Variants in BIRC7 observed in about 807,000 individuals in gnomAD.
BIRC7 encodes the protein baculoviral IAP repeat containing 7, also known as baculoviral IAP repeat-containing protein 7.
BIRC7 carries 26 observed loss-of-function variants against 33.2 expected under a neutral mutation model. The observed-to-expected ratio is 0.78, with a 90% CI of 0.57 to 1.09. The LOEUF is 1.09. BIRC7 is among the 50% of genes least tolerant of loss of function. The pLI, the probability that BIRC7 is intolerant of heterozygous loss-of-function variation, is 0.00. For synonymous variants in BIRC7, 176 were observed against 171.0 expected (o/e 1.03, Z -0.23); for missense variants, 409 against 401.2 (o/e 1.02, Z -0.17).
chr20:63,236,475 C>A, intron 1 of BIRC7, 30 bp downstream of exon 1: 1 of 1,504,722 alleles, frequency 6.6e-7, no homozygotes, highest in South Asian at 1.3e-5. Flanking sequence ...GCCTTCCTGC[C>A]GTGGGCCTGG....
At position 63,238,414 on chromosome 20, in the gene BIRC7, G is replaced by T; in HGVS notation, c.468G>T (p.Arg156=). Residue 156 remains arginine, a synonymous_variant, in exon 3 of 7, where the codon CGG becomes CGT. Transcript: ENST00000217169. The part of the protein sequence containing the change: ...KWFPSCQFLL[R]SKGRDFVHSV... The stretch of plus-strand genomic sequence containing the variant: ...TCTGCAGCTGTCAGTTCCTGCTCCG[G>T]TCAAAAGGAAGAGACTTTGTCCACA... The T allele has an allele frequency of 6.2e-7, 1 of 1,611,970 alleles. No individual in the cohort carries two copies. Among genetic ancestry groups the T allele is most frequent in the Non-Finnish European group, 8.5e-7 (1 of 1,179,966 alleles).
rs145995768 is a variant in BIRC7, at chr20:63,239,472, G to T, written c.764G>T (p.Cys255Phe). 2.3e-3 allele frequency: 3,764 copies of T among 1,606,870 alleles called. 5 individuals carry two copies. Among genetic ancestry groups the T allele is most frequent in the Non-Finnish European group, 2.9e-3 (3,461 of 1,179,882 alleles). Reference sequence around the variant, plus strand: ...CAGGAGGAGAGGACGTGCAAGGTGTGCCTGGACCGCGCCGTGTCCATCGTC... The same window carrying T: ...CAGGAGGAGAGGACGTGCAAGGTGTTCCTGGACCGCGCCGTGTCCATCGTC... ...RLQEERTCKV[C>F]LDRAVSIVFV... The change falls in exon 6 of 7, where the codon TGC becomes TTC. Residue 255 changes from cysteine (C) to phenylalanine (F), a missense_variant. Transcript: ENST00000217169.
chr20:63,240,033 G>A (rs2066725388), intron 6 of BIRC7, among the ~76,000 whole-genome samples: 1 of 152,376 alleles, frequency 6.6e-6, no homozygotes, highest in East Asian at 1.9e-4. Context: ...GGGGGTGTGT[G>A]AACCTGTTCT....
intron 6 of BIRC7, 110 bp downstream of exon 6, chr20:63,239,720 G>A (rs2066722031): frequency 2.9e-6 from 4 of 1,385,598 alleles, no homozygotes; most frequent in Admixed American, 5.4e-5. Context: ...GGCAGCGTCA[G>A]CTTGTTTTTA....
chr20:63,239,638 A>G lies in BIRC7; in HGVS notation c.*5+28A>G, dbSNP rs984602790. The stretch of plus-strand genomic sequence containing the variant: ...GAGCGCCCCAGCACCACGCGCAGCC[A>G]GCCCTCCTGCGGAGGGGGCCCTGAG... On this transcript the variant is annotated intron_variant, in intron 6 of 6. Coordinates refer to ENST00000217169, the MANE Select transcript of BIRC7 (RefSeq NM_139317.3). 11 of 1,569,622 alleles carry G rather than the reference A, an allele frequency of 7.0e-6. No individual in the cohort carries two copies. In the Admixed American group the frequency reaches 1.0e-4, roughly 15 times the overall value.
At position 63,237,980 on chromosome 20, in the gene BIRC7, G is replaced by A. The variant is rs766219180; in HGVS notation, c.427G>A (p.Glu143Lys). 1 of 1,604,474 alleles carries A rather than the reference G, an allele frequency of 6.2e-7. No individual in the cohort carries two copies. Among genetic ancestry groups the A allele is most frequent in the Non-Finnish European group, 8.5e-7 (1 of 1,176,872 alleles). The change falls in exon 2 of 7, where the codon GAG becomes AAG. Residue 143 changes from glutamate (E) to lysine (K), a missense_variant. Coordinates refer to ENST00000217169, the MANE Select transcript of BIRC7 (RefSeq NM_139317.3). ...GAAGCGCGGGGACGACCCCTGGACG[G>A]AGCATGCCAAGTGGTTCCCCAGGTA... ...SWKRGDDPWT[E>K]HAKWFPSCQF...
Position 63,238,582 on chromosome 20 carries a change from AACCGGAAGAC to A in BIRC7, c.546_555del (p.Pro183GlnfsTer177). ...GGCTCCTTCCAGGACCCGTGGGAAG[AACCGGAAGAC>A]GCAGCCCCTGTGGCCCCCTCCGGTG... On this transcript the variant is annotated frameshift_variant, in exon 4 of 7. Coordinates refer to ENST00000217169, the MANE Select transcript of BIRC7 (RefSeq NM_139317.3). LOFTEE classifies it high-confidence loss of function. 6.2e-7 allele frequency: 1 copy of A among 1,613,090 alleles called. No individual in the cohort carries two copies. The highest frequency in any genetic ancestry group is 1.7e-5 in the Admixed American group (1 of 60,018).
intron 2 of BIRC7, 49 bp from the exon 3 acceptor site, chr20:63,238,347 A>C: frequency 6.2e-7 from 1 of 1,603,158 alleles, no homozygotes; most frequent in Non-Finnish European, 8.5e-7. Context: ...GGCTTGAAGC[A>C]GACAGTGGGG....
At chr20:63,239,721 CTTG>C (rs1471242078) in intron 6 of BIRC7, 111 bp downstream of exon 6, 2 of 1,374,822 alleles carry the variant, frequency 1.5e-6, no homozygotes, top group Admixed American at 2.7e-5. Context: ...GCAGCGTCAG[CTTG>C]TTTTTACCCG....
At chr20:63,238,035 A>G in intron 2 of BIRC7, 33 bp downstream of exon 2, 1 of 1,537,124 alleles carries the variant, frequency 6.5e-7, no homozygotes, top group Non-Finnish European at 8.8e-7. Context: ...CCCGGGTCTG[A>G]TCATGGGTAG....
At chr20:63,238,681 G>A in intron 4 of BIRC7, 67 bp downstream of exon 4, 1 of 1,578,912 alleles carries the variant, frequency 6.3e-7, no homozygotes, top group Non-Finnish European at 8.6e-7. Flanking sequence ...CAAGGCCACT[G>A]GGTGTCCCCA....
In BIRC7 at chr20:63,239,428, GGC is replaced by G; in HGVS notation, c.723_724del (p.Gln242AlafsTer32). The G allele has an allele frequency of 6.2e-7, 1 of 1,606,528 alleles. No individual in the cohort carries two copies. Among genetic ancestry groups the G allele is most frequent in the Non-Finnish European group, 8.5e-7 (1 of 1,179,892 alleles). ...LEPPGARDVE[A>X]QLRRLQEERT... ...AGCCCCCAGGAGCCAGGGATGTGGA[GGC>G]GCAGCTGCGGCGGCTGCAGGAGGAG... On this transcript the variant is annotated frameshift_variant, in exon 6 of 7. Transcript: ENST00000217169. LOFTEE classifies it high-confidence loss of function.
intron 4 of BIRC7, chr20:63,238,884 C>A (rs1410580414): frequency 3.2e-6 from 2 of 625,138 alleles, no homozygotes. Flanking sequence ...CATACCACCC[C>A]CAACAGTGCC....
chr20:63,238,982 G>C, intron 4 of BIRC7, 180 bp from the exon 5 acceptor site: 1 of 704,532 alleles, frequency 1.4e-6, no homozygotes, highest in Non-Finnish European at 2.4e-6. Flanking sequence ...GGCGCCTCCA[G>C]GAAGCCTCTG....
At position 63,236,023 on chromosome 20, in the gene BIRC7, A is replaced by G. The variant is rs990965419; in HGVS notation, c.-74A>G. ...GGGGGTCAGGAGCTCCAGAAGGGCC[A>G]GCTGGGCATATTCTGAGATTGGCCA... On this transcript the variant is annotated 5_prime_UTR_variant, in exon 1 of 7. Transcript: ENST00000217169. 64 of 1,458,296 alleles carry G rather than the reference A, an allele frequency of 4.4e-5. No individual in the cohort carries two copies. The East Asian group carries it at 1.6e-3, about 37-fold the overall frequency. The allele number at this position is 1,458,296 out of a possible 1,614,324, so 90.3% of individuals were successfully genotyped here. A position where few individuals can be genotyped will look rare whatever the true frequency, so the allele number is the denominator to read the frequency against.
At position 63,236,331 on chromosome 20, in the gene BIRC7, C is replaced by G; in HGVS notation, c.235C>G (p.Pro79Ala). 1.2e-6 allele frequency: 2 copies of G among 1,604,942 alleles called. No individual in the cohort carries two copies. The highest frequency in any genetic ancestry group is 3.6e-4 in the Middle Eastern group (2 of 5,526). Residue 79 changes from proline to alanine, a missense_variant, in exon 1 of 7, where the codon CCT (proline) becomes GCT (alanine). Physicochemically the swap from Pro to Ala is conservative, Grantham distance 27. Coordinates refer to ENST00000217169, the MANE Select transcript of BIRC7 (RefSeq NM_139317.3). Reference sequence around the variant, plus strand: ...CGCCGGGGCCACCTTGTCCAGGGGGCCTGCCTTCCCCGGCATGGGCTCTGA... The same window carrying G: ...CGCCGGGGCCACCTTGTCCAGGGGGGCTGCCTTCCCCGGCATGGGCTCTGA... ...EGAGATLSRG[P>A]AFPGMGSEEL...
At position 63,236,014 on chromosome 20, in the gene BIRC7, A is replaced by G; in HGVS notation, c.-83A>G. The G allele has an allele frequency of 6.9e-7, 1 of 1,449,612 alleles. No individual in the cohort carries two copies. The highest frequency in any genetic ancestry group is 9.2e-7 in the Non-Finnish European group (1 of 1,088,716). The allele number at this position is 1,449,612 out of a possible 1,614,324, so 89.8% of individuals were successfully genotyped here. A position where few individuals can be genotyped will look rare whatever the true frequency, so the allele number is the denominator to read the frequency against. On this transcript the variant is annotated 5_prime_UTR_variant, in exon 1 of 7. Coordinates refer to ENST00000217169, the MANE Select transcript of BIRC7 (RefSeq NM_139317.3). Reference sequence around the variant, plus strand: ...GTGGGCCCCGGGGGTCAGGAGCTCCAGAAGGGCCAGCTGGGCATATTCTGA... The same window carrying G: ...GTGGGCCCCGGGGGTCAGGAGCTCCGGAAGGGCCAGCTGGGCATATTCTGA...
In BIRC7 at chr20:63,236,241, G is replaced by A; in HGVS notation, c.145G>A (p.Asp49Asn). 2 of 1,599,706 alleles carry A rather than the reference G, an allele frequency of 1.3e-6. No individual in the cohort carries two copies. The highest frequency in any genetic ancestry group is 8.5e-7 in the Non-Finnish European group (1 of 1,172,952). ...VLGLDTCRAW[D>N]HVDGQILGQL... ...AGGCCTGGACACCTGCAGAGCCTGGGACCACGTGGATGGGCAGATCCTGGG... is the reference window on the plus strand; with the variant it reads ...AGGCCTGGACACCTGCAGAGCCTGGAACCACGTGGATGGGCAGATCCTGGG... Residue 49 changes from aspartate (D) to asparagine (N), a missense_variant, in exon 1 of 7, where the codon GAC (aspartate) becomes AAC (asparagine). Physicochemically the swap from Asp to Asn is conservative, Grantham distance 23. Coordinates refer to ENST00000217169, the MANE Select transcript of BIRC7 (RefSeq NM_139317.3).
rs193196289 is a variant in BIRC7, at chr20:63,239,330, G to A, written c.650-28G>A. On this transcript the variant is annotated intron_variant, in intron 5 of 6. Coordinates refer to ENST00000217169, the MANE Select transcript of BIRC7 (RefSeq NM_139317.3). The stretch of plus-strand genomic sequence containing the variant: ...CATAGAGGGTGGGGGCCAGGGTGTG[G>A]GGACATTTCGCAGGCCTGTCCTCCT... The A allele has an allele frequency of 8.8e-4, 1,415 of 1,602,764 alleles. 8 individuals are homozygous for A. The African/African-American group carries it at 0.014, about 16-fold the overall frequency.
Sources: allele counts gnomAD v4.1 joint callset (sites outside exome capture counted in the v4.1 genomes callset), GRCh38; gene constraint gnomAD v4.1.1; transcripts MANE v1.5; gene names NCBI Gene and HGNC (gene_info 2026-07-23, HGNC 2026-07-21).